Variants in ZNF423 observed in about 807,000 individuals in gnomAD.
ZNF423 encodes the protein zinc finger protein 423.
ZNF423 carries 12 observed loss-of-function variants against 95.8 expected under a neutral mutation model. The ratio of observed to expected loss-of-function variants is 0.13; its 90% confidence interval spans 0.08 to 0.20. The LOEUF (loss-of-function observed/expected upper bound fraction) is 0.20. Ranked by LOEUF, ZNF423 falls within the 10% of genes least tolerant of loss-of-function variation. ZNF423 has a pLI of 1.00. For missense variants in ZNF423, 1,316 were observed against 1,737.1 expected, an observed-to-expected ratio of 0.76 and a Z score of 4.31; for synonymous variants, 749 against 711.9, an observed-to-expected ratio of 1.05 and a Z score of -0.83.
intron 5 of ZNF423, among the ~76,000 whole-genome samples, chr16:49,578,413 C>T (rs1567479765): frequency 6.6e-6 from 1 of 152,120 alleles, no homozygotes; most frequent in African/African-American, 2.4e-5. Flanking sequence ...GAAGAGAAAC[C>T]GAGGGCTTTG....
chr16:49,836,796 G>T (rs1941202097), intron 1 of ZNF423, among the ~76,000 whole-genome samples: 1 of 152,124 alleles, frequency 6.6e-6, no homozygotes, highest in African/African-American at 2.4e-5. Flanking sequence ...GAGCAGGCTT[G>T]GAACTCTCCT....
chr16:49,533,982 AC>A (rs1968956858), intron 5 of ZNF423, among the ~76,000 whole-genome samples: 1 of 151,946 alleles, frequency 6.6e-6, no homozygotes, highest in South Asian at 2.1e-4. Flanking sequence ...ACACAGTGAG[AC>A]CCCATCTCTA....
intron 3 of ZNF423, among the ~76,000 whole-genome samples, chr16:49,714,758 A>C (rs1182896911): frequency 9.3e-6 from 1 of 107,352 alleles, no homozygotes; most frequent in Non-Finnish European, 2.2e-5. Context: ...CCATCTCTAC[A>C]AAAAAAAAAT....
At chr16:49,659,801 C>A (rs2151913033) in intron 3 of ZNF423, among the ~76,000 whole-genome samples, 1 of 152,364 alleles carries the variant, frequency 6.6e-6, no homozygotes, top group East Asian at 1.9e-4. Flanking sequence ...CCCAGCCCAG[C>A]TCAGGCTGAC....
At chr16:49,522,005 G>A (rs953059019) in intron 7 of ZNF423, among the ~76,000 whole-genome samples, 11 of 152,244 alleles carry the variant, frequency 7.2e-5, no homozygotes, top group Non-Finnish European at 1.6e-4. Flanking sequence ...GGCCACAGCT[G>A]TGCCCCTCTA....
chr16:49,752,141 C>T (rs183099099), intron 2 of ZNF423, among the ~76,000 whole-genome samples: 36 of 152,356 alleles, frequency 2.4e-4, no homozygotes, highest in African/African-American at 8.2e-4. Flanking sequence ...GCCTGATATT[C>T]ACTACCTCAG....
intron 3 of ZNF423, among the ~76,000 whole-genome samples, chr16:49,651,379 C>T (rs1445809376): frequency 1.3e-5 from 2 of 152,154 alleles, no homozygotes; most frequent in Non-Finnish European, 2.9e-5. Flanking sequence ...GACTCTGCAT[C>T]TGGCATGTGG....
At chr16:49,570,225 C>A (rs918647547) in intron 5 of ZNF423, among the ~76,000 whole-genome samples, 2 of 152,212 alleles carry the variant, frequency 1.3e-5, no homozygotes, top group African/African-American at 4.8e-5. Flanking sequence ...CCCATGCCAT[C>A]GTGACCCTTT....
At chr16:49,532,542 C>A (rs142508696) in intron 5 of ZNF423, among the ~76,000 whole-genome samples, 1 of 152,178 alleles carries the variant, frequency 6.6e-6, no homozygotes, top group South Asian at 2.1e-4. Flanking sequence ...CAGCCTGAAC[C>A]GGGCCCCACG....
At chr16:49,748,789 C>T (rs772743010) in intron 2 of ZNF423, among the ~76,000 whole-genome samples, 1 of 152,162 alleles carries the variant, frequency 6.6e-6, no homozygotes, top group Non-Finnish European at 1.5e-5. Flanking sequence ...GGTACTATTA[C>T]AGATAGGGAA....
intron 3 of ZNF423, among the ~76,000 whole-genome samples, chr16:49,650,535 C>T (rs541844429): frequency 1.3e-5 from 2 of 152,282 alleles, no homozygotes; most frequent in African/African-American, 4.8e-5. Flanking sequence ...ACCCATTATC[C>T]ATTTGACATC....
chr16:49,707,583 C>T (rs1228926513), intron 3 of ZNF423, among the ~76,000 whole-genome samples: 1 of 149,544 alleles, frequency 6.7e-6, no homozygotes, highest in Non-Finnish European at 1.5e-5. Context: ...CGCCATTGCA[C>T]TCCAGCCTGG....
chr16:49,750,559 G>A (rs1476683100), intron 2 of ZNF423, among the ~76,000 whole-genome samples: 1 of 152,210 alleles, frequency 6.6e-6, no homozygotes, highest in Non-Finnish European at 1.5e-5. Flanking sequence ...CAGAAGAGAG[G>A]CGCAGGGGCA....
intron 4 of ZNF423, among the ~76,000 whole-genome samples, chr16:49,632,433 C>T (rs905369153): frequency 6.6e-6 from 1 of 152,134 alleles, no homozygotes; most frequent in Non-Finnish European, 1.5e-5. Context: ...GGCAAGGCCC[C>T]AGAGAATGCC....
At chr16:49,695,505 C>A (rs2031935210) in intron 3 of ZNF423, among the ~76,000 whole-genome samples, 1 of 152,256 alleles carries the variant, frequency 6.6e-6, no homozygotes, top group Admixed American at 6.5e-5. Flanking sequence ...GTGGGTCAGG[C>A]TGGTCTCGAA....
intron 3 of ZNF423, among the ~76,000 whole-genome samples, chr16:49,655,008 A>T (rs1973552693): frequency 6.6e-6 from 1 of 152,248 alleles, no homozygotes. Flanking sequence ...ACCACAAAAG[A>T]GCCAGCAAAG....
chr16:49,503,119 C>T (rs923326537), intron 7 of ZNF423, among the ~76,000 whole-genome samples: 3 of 151,968 alleles, frequency 2.0e-5, no homozygotes, highest in African/African-American at 4.8e-5. Context: ...TAGTGCTAAG[C>T]GGTCAGAGGC....
At chr16:49,550,143 T>C (rs776211990) in intron 5 of ZNF423, among the ~76,000 whole-genome samples, 2 of 152,206 alleles carry the variant, frequency 1.3e-5, no homozygotes, top group African/African-American at 2.4e-5. Context: ...GCTGGGATTA[T>C]AGGGATGAGC....
At chr16:49,590,715 C>T (rs890134845) in intron 5 of ZNF423, among the ~76,000 whole-genome samples, 5 of 152,170 alleles carry the variant, frequency 3.3e-5, no homozygotes, top group South Asian at 2.1e-4. Context: ...CAGCGTCCCC[C>T]GCCTGCTCAC....
Sources: allele counts gnomAD v4.1 joint callset (sites outside exome capture counted in the v4.1 genomes callset), GRCh38; gene constraint gnomAD v4.1.1; transcripts MANE v1.5; gene names NCBI Gene and HGNC (gene_info 2026-07-23, HGNC 2026-07-21).